Variants in SLC4A10 observed in about 807,000 individuals in gnomAD.
The protein encoded by SLC4A10 is sodium-driven chloride bicarbonate exchanger.
In SLC4A10, 42 loss-of-function variants were observed where a neutral mutation model predicts 137.7. That is an observed-to-expected ratio of 0.30 (90% confidence interval 0.24 to 0.39). The LOEUF (loss-of-function observed/expected upper bound fraction) is 0.39, where lower values mean the gene tolerates loss of function less well. Ranked by LOEUF, SLC4A10 falls within the 10% of genes least tolerant of loss-of-function variation. The pLI is 1.00. For synonymous variants in SLC4A10, 474 were observed against 464.1 expected, an observed-to-expected ratio of 1.02 and a Z score of -0.27; for missense variants, 925 against 1,355.0, an observed-to-expected ratio of 0.68 and a Z score of 4.98.
At chr2:161,746,300 G>A (rs2048376661) in intron 1 of SLC4A10, among the ~76,000 whole-genome samples, 1 of 150,962 alleles carries the variant, frequency 6.6e-6, no homozygotes, top group Non-Finnish European at 1.5e-5. Context: ...CAGGCTGCAA[G>A]ACAAAAGTCC....
intron 2 of SLC4A10, 83 bp from the exon 3 acceptor site, chr2:161,804,366 G>C (rs893212730): frequency 1.4e-6 from 2 of 1,391,630 alleles, no homozygotes; most frequent in Non-Finnish European, 1.9e-6. Flanking sequence ...AAATTAAATT[G>C]AGTCTCCATT....
intron 25 of SLC4A10, 149 bp downstream of exon 25, chr2:161,977,025 A>C (rs544795677): frequency 1.9e-6 from 1 of 533,734 alleles, no homozygotes; most frequent in Non-Finnish European, 3.2e-6. Flanking sequence ...AATTGTAATT[A>C]TTTCAAATGT....
chr2:161,762,279 T>C (rs187657841), intron 1 of SLC4A10, among the ~76,000 whole-genome samples: 245 of 152,246 alleles, frequency 1.6e-3, no homozygotes, highest in Non-Finnish European at 2.4e-3. Flanking sequence ...AAAAACCTAA[T>C]TTCAAAGTAA....
At chr2:161,703,132 CA>C (rs2043294349) in intron 1 of SLC4A10, among the ~76,000 whole-genome samples, 1 of 151,530 alleles carries the variant, frequency 6.6e-6, no homozygotes, top group South Asian at 2.1e-4. Flanking sequence ...CCCAAAGCCT[CA>C]AAAACATTAA....
intron 16 of SLC4A10, among the ~76,000 whole-genome samples, chr2:161,943,339 C>A (rs1693097318): frequency 1.3e-5 from 2 of 152,110 alleles, no homozygotes; most frequent in South Asian, 4.1e-4. Flanking sequence ...TTGGGAGGAA[C>A]AAATATCACT....
At chr2:161,844,788 T>C (rs2059394173) in intron 4 of SLC4A10, among the ~76,000 whole-genome samples, 1 of 152,104 alleles carries the variant, frequency 6.6e-6, no homozygotes, top group African/African-American at 2.4e-5. Context: ...AAAGAATTCA[T>C]GAAACACCTA....
At chr2:161,865,817 A>G (rs553194906) in intron 6 of SLC4A10, among the ~76,000 whole-genome samples, 1 of 152,190 alleles carries the variant, frequency 6.6e-6, no homozygotes, top group South Asian at 2.1e-4. Flanking sequence ...TAAATTGGAA[A>G]TTCTGTTTTA....
intron 3 of SLC4A10, among the ~76,000 whole-genome samples, chr2:161,831,415 A>G (rs1415485252): frequency 6.6e-6 from 1 of 152,130 alleles, no homozygotes; most frequent in Non-Finnish European, 1.5e-5. Context: ...GTTTTATTGA[A>G]CTAACATTGA....
At chr2:161,810,999 C>CT (rs1201773009) in intron 3 of SLC4A10, among the ~76,000 whole-genome samples, 13 of 151,794 alleles carry the variant, frequency 8.6e-5, no homozygotes, top group Admixed American at 2.6e-4. Flanking sequence ...TGGTTCAGGG[C>CT]TTTTTTTGGT....
chr2:161,884,398 AT>A (rs2062056838), intron 10 of SLC4A10, among the ~76,000 whole-genome samples: 1 of 152,090 alleles, frequency 6.6e-6, no homozygotes, highest in Admixed American at 6.6e-5. Context: ...GGGAATCAAG[AT>A]TTTTCTCGAC....
At chr2:161,661,150 G>C (rs1202296140) in intron 1 of SLC4A10, among the ~76,000 whole-genome samples, 1 of 151,916 alleles carries the variant, frequency 6.6e-6, no homozygotes, top group Non-Finnish European at 1.5e-5. Context: ...TTCTCTTCTA[G>C]TGTAATACGA....
chr2:161,834,700 C>CACACAA (rs1204654973), intron 3 of SLC4A10, among the ~76,000 whole-genome samples: 5 of 149,210 alleles, frequency 3.4e-5, no homozygotes, highest in African/African-American at 9.9e-5. Context: ...CACACACACA[C>CACACAA]AAAACCTATT....
At chr2:161,801,358 A>AAT (rs749892194) in intron 2 of SLC4A10, among the ~76,000 whole-genome samples, 10 of 151,802 alleles carry the variant, frequency 6.6e-5, no homozygotes, top group East Asian at 3.9e-4. Context: ...CTTCTCTCTT[A>AAT]ATATATATAT....
intron 10 of SLC4A10, 43 bp from the exon 11 acceptor site, chr2:161,894,635 TA>T (rs1285827319): frequency 1.9e-6 from 2 of 1,056,498 alleles, no homozygotes; most frequent in Non-Finnish European, 2.5e-6. Context: ...TAATATTTTA[TA>T]ATTATTTTTA....
chr2:161,797,295 G>T (rs1290896688), intron 2 of SLC4A10, among the ~76,000 whole-genome samples: 4 of 151,912 alleles, frequency 2.6e-5, no homozygotes, highest in Non-Finnish European at 5.9e-5. Context: ...CTCCTCTGCT[G>T]ATGTAAAACC....
At chr2:161,768,569 C>G (rs1038558055) in intron 1 of SLC4A10, among the ~76,000 whole-genome samples, 1 of 151,884 alleles carries the variant, frequency 6.6e-6, no homozygotes, top group African/African-American at 2.4e-5. Flanking sequence ...TATAGAAAGA[C>G]CATGACTCTT....
intron 10 of SLC4A10, among the ~76,000 whole-genome samples, chr2:161,883,170 T>TG (rs1370156473): frequency 6.6e-6 from 1 of 152,132 alleles, no homozygotes; most frequent in Non-Finnish European, 1.5e-5. Context: ...GAAGAGCAGA[T>TG]GCAGTAGATC....
intron 11 of SLC4A10, among the ~76,000 whole-genome samples, chr2:161,895,108 C>T (rs2105224862): frequency 6.8e-6 from 1 of 147,668 alleles, no homozygotes; most frequent in Middle Eastern, 3.5e-3. Context: ...GTTCCCCTTC[C>T]TGTGTCCATG....
At chr2:161,911,955 C>T (rs937829236) in intron 15 of SLC4A10, among the ~76,000 whole-genome samples, 3 of 152,050 alleles carry the variant, frequency 2.0e-5, no homozygotes, top group African/African-American at 7.2e-5. Context: ...CAAACACTTG[C>T]TATCCTTGTT....
Sources: allele counts gnomAD v4.1 joint callset (sites outside exome capture counted in the v4.1 genomes callset), GRCh38; gene constraint gnomAD v4.1.1; transcripts MANE v1.5; gene names NCBI Gene and HGNC (gene_info 2026-07-23, HGNC 2026-07-21).